The following ATP2B4 variants were observed in gnomAD, a reference collection of about 807,000 sequenced individuals.
ATP2B4 encodes the protein plasma membrane calcium-transporting ATPase 4.
In ATP2B4, 39 loss-of-function variants were observed where a neutral mutation model predicts 110.3. The observed-to-expected ratio is 0.35, with a 90% CI of 0.27 to 0.46. The LOEUF is 0.46. ATP2B4 is among the 20% of genes least tolerant of loss of function. The probability of loss-of-function intolerance (pLI) is 1.00; values close to 1 mark genes in which losing one functional copy is unlikely to be tolerated. For missense variants in ATP2B4, 1,135 were observed against 1,530.9 expected (o/e 0.74, Z 4.32); for synonymous variants, 538 against 571.7 (o/e 0.94, Z 0.84).
In ATP2B4 at chr1:203,643,913, T is replaced by C. The variant is rs574970859; in HGVS notation, c.-465+16694T>C. ...GCTTTAGTCATTCCTATATACTCGG[T>C]GTTTAGCACAGTCTTTGGCTCATAG... On this transcript the variant is annotated intron_variant, in intron 1 of 20. Transcript: ENST00000357681. Among the ~76,000 whole-genome samples, 28 of 152,306 alleles carry C rather than the reference T, an allele frequency of 1.8e-4. No homozygotes were observed. In the South Asian group the frequency reaches 5.8e-3, roughly 32 times the overall value.
At chr1:203,733,847 G>T (rs1045675256) in intron 20 of ATP2B4, among the ~76,000 whole-genome samples, 16 of 152,262 alleles carry the variant, frequency 1.1e-4, no homozygotes, top group African/African-American at 3.6e-4. Flanking sequence ...TTCTTTACAT[G>T]GGGGCAAAGT....
rs1274161435 is a variant in ATP2B4 at position 203,742,940 on chromosome 1, T to A, written c.*3086T>A. On this transcript the variant is annotated 3_prime_UTR_variant, in exon 21 of 21. Transcript: ENST00000357681. ...TATTAAATGGGGACAGAATTCTAAA[T>A]GGATAAAACAATGGCTGGTTCTAGC... 6.6e-6 allele frequency: 1 copy of A among 152,640 alleles called. No individual in the cohort carries two copies. The highest frequency in any genetic ancestry group is 1.9e-4 in the East Asian group (1 of 5,204). 9.5% of individuals were successfully genotyped at this position (152,640 alleles called of 1,614,324 possible). A position where few individuals can be genotyped will look rare whatever the true frequency, so the allele number is the denominator to read the frequency against.
chr1:203,735,476 C>A (rs1304260851), intron 20 of ATP2B4, among the ~76,000 whole-genome samples: 1 of 152,184 alleles, frequency 6.6e-6, no homozygotes, highest in Non-Finnish European at 1.5e-5. Context: ...CTTCCTCCCC[C>A]ATTCCCAACC....
chr1:203,726,784 T>G (rs904640790), intron 19 of ATP2B4, among the ~76,000 whole-genome samples: 1 of 152,216 alleles, frequency 6.6e-6, no homozygotes, highest in Non-Finnish European at 1.5e-5. Flanking sequence ...CTGCTCCTTG[T>G]CTTCTGATAA....
chr1:203,719,001 G>A (rs1172581626), intron 15 of ATP2B4, among the ~76,000 whole-genome samples: 2 of 151,946 alleles, frequency 1.3e-5, no homozygotes, highest in African/African-American at 4.8e-5. Context: ...AAGGGAGAAG[G>A]AGCACTAGAA....
At chr1:203,680,466 G>A (rs1466880179) in intron 1 of ATP2B4, among the ~76,000 whole-genome samples, 3 of 152,064 alleles carry the variant, frequency 2.0e-5, no homozygotes, top group Non-Finnish European at 4.4e-5. Flanking sequence ...AAAATTAGCC[G>A]GGTGTGGTGG....
At chr1:203,714,919 C>CTT (rs553775945) in intron 15 of ATP2B4, among the ~76,000 whole-genome samples, 1 of 151,814 alleles carries the variant, frequency 6.6e-6, no homozygotes, top group Non-Finnish European at 1.5e-5. Context: ...TTAGAGAACT[C>CTT]TTTTTTTTAA....
At chr1:203,719,512 C>A (rs1666259477) in intron 15 of ATP2B4, among the ~76,000 whole-genome samples, 1 of 151,870 alleles carries the variant, frequency 6.6e-6, no homozygotes, top group African/African-American at 2.4e-5. Flanking sequence ...GAGTTCAAGA[C>A]CAGCCTGGCC....
At position 203,688,628 on chromosome 1, in the gene ATP2B4, G is replaced by A. The variant is rs1044427227; in HGVS notation, c.193+5230G>A. Among the ~76,000 whole-genome samples the A allele has an allele frequency of 2.4e-4, 37 of 152,056 alleles. 1 individual carries two copies. Among genetic ancestry groups the A allele is most frequent in the Non-Finnish European group, 5.0e-4 (34 of 68,002 alleles). ...CAGCCCAATGTTTTGATACTGGCTT[G>A]TGTTCCTTGAGTATACATTAGCTAG... On this transcript the variant is annotated intron_variant, in intron 2 of 20. Transcript: ENST00000357681.
chr1:203,713,406 A>G (rs1666069355), intron 14 of ATP2B4, among the ~76,000 whole-genome samples, 154 bp downstream of exon 14: 1 of 152,166 alleles, frequency 6.6e-6, no homozygotes, highest in Non-Finnish European at 1.5e-5. Context: ...GTTAGCAAAC[A>G]TCTGAGCCCT....
At chr1:203,692,514 GCTGT>G (rs1321397483) in intron 2 of ATP2B4, among the ~76,000 whole-genome samples, 1 of 152,166 alleles carries the variant, frequency 6.6e-6, no homozygotes, top group Non-Finnish European at 1.5e-5. Flanking sequence ...AAGGTATTCT[GCTGT>G]CTGTCCTTCT....
At chr1:203,681,298 A>G (rs1376594973) in intron 1 of ATP2B4, among the ~76,000 whole-genome samples, 2 of 152,194 alleles carry the variant, frequency 1.3e-5, no homozygotes, top group Non-Finnish European at 2.9e-5. Context: ...ATTGTCAGGA[A>G]TCGGCAAAGA....
intron 1 of ATP2B4, among the ~76,000 whole-genome samples, chr1:203,676,350 T>G (rs1664828301): frequency 6.6e-6 from 1 of 151,930 alleles, no homozygotes; most frequent in Non-Finnish European, 1.5e-5. Context: ...CTGCCAGACC[T>G]GAGGGATTGG....
intron 1 of ATP2B4, among the ~76,000 whole-genome samples, chr1:203,631,786 T>TTTTG (rs113936022): frequency 0.026 from 3,958 of 152,068 alleles, 179 homozygotes; most frequent in African/African-American, 0.09. Flanking sequence ...ACAAGGTGAT[T>TTTTG]TTTGTTTGTT....
chr1:203,729,468 C>T, intron 20 of ATP2B4: 1 of 365,188 alleles, frequency 2.7e-6, no homozygotes, highest in Non-Finnish European at 5.3e-6. Flanking sequence ...TCGCTTGAAC[C>T]CGGAAGGCTG....
In ATP2B4 at chr1:203,707,449, AT is replaced by A. The variant is rs200106928; in HGVS notation, c.1314+241del. Among the ~76,000 whole-genome samples the A allele has an allele frequency of 4.5e-3, 642 of 144,004 alleles. 4 individuals carry two copies. The highest frequency in any genetic ancestry group is 0.029 in the East Asian group (145 of 5,000). 94.5% of individuals were successfully genotyped at this position (144,004 alleles called of 152,430 possible). On this transcript the variant is annotated intron_variant, in intron 9 of 20. Transcript: ENST00000357681. ...GAGAATGACAAAAATGGTATCTTGG[AT>A]TTTTTTTTTTTTTTAAGACAGAGTC...
At chr1:203,636,322 C>T (rs1663435882) in intron 1 of ATP2B4, among the ~76,000 whole-genome samples, 1 of 152,180 alleles carries the variant, frequency 6.6e-6, no homozygotes, top group South Asian at 2.1e-4. Flanking sequence ...AATCATTGTG[C>T]TACCCACCCC....
At chr1:203,721,029 G>A (rs1666305828) in intron 16 of ATP2B4, among the ~76,000 whole-genome samples, 168 bp from the exon 17 acceptor site, 1 of 152,096 alleles carries the variant, frequency 6.6e-6, no homozygotes, top group Non-Finnish European at 1.5e-5. Flanking sequence ...CCATTTTATG[G>A]GTGAGGAACT....
At chr1:203,666,932 C>G (rs892789061) in intron 1 of ATP2B4, among the ~76,000 whole-genome samples, 1 of 152,152 alleles carries the variant, frequency 6.6e-6, no homozygotes, top group Non-Finnish European at 1.5e-5. Flanking sequence ...CAATTGTGAG[C>G]TCTCTAGCAC....
Sources: gnomAD v4.1 joint callset for allele counts (sites outside exome capture counted in the v4.1 genomes callset) on GRCh38, gnomAD v4.1.1 for gene constraint, MANE v1.5 for transcripts, NCBI Gene and HGNC (gene_info 2026-07-23, HGNC 2026-07-21) for gene names.